KSR1: variants seen among roughly 807,000 people sequenced by gnomAD.
KSR1 encodes the protein kinase suppressor of ras.
KSR1 carries 35 observed loss-of-function variants against 92.9 expected under a neutral mutation model. That is an observed-to-expected ratio of 0.38 (90% CI 0.29 to 0.50). KSR1 has a LOEUF of 0.50. KSR1 is among the 20% of genes least tolerant of loss of function. The probability of loss-of-function intolerance (pLI) is 0.94; values close to 1 mark genes in which losing one functional copy is unlikely to be tolerated. For missense variants in KSR1, 972 were observed against 1,158.5 expected (o/e 0.84, Z 2.34); for synonymous variants, 467 against 472.6 (o/e 0.99, Z 0.15).
chr17:27,551,103 G>A (rs188589750), intron 2 of KSR1, among the ~76,000 whole-genome samples: 2 of 152,342 alleles, frequency 1.3e-5, no homozygotes, highest in Admixed American at 6.5e-5. Context: ...TATACTCGAG[G>A]AAATTAAAGC....
intron 18 of KSR1, among the ~76,000 whole-genome samples, chr17:27,614,629 T>A (rs1038940390): frequency 6.6e-6 from 1 of 152,252 alleles, no homozygotes; most frequent in Non-Finnish European, 1.5e-5. Flanking sequence ...TGGCCTGGGA[T>A]GGGAATAAGA....
At chr17:27,597,542 A>T (rs2073390481) in intron 10 of KSR1, 106 bp downstream of exon 10, 1 of 1,207,618 alleles carries the variant, frequency 8.3e-7, no homozygotes, top group African/African-American at 1.5e-5. Context: ...CACAGCTAAG[A>T]GCTGATGTTT....
At chr17:27,609,912 C>A in intron 16 of KSR1, 155 bp from the exon 17 acceptor site, 3 of 858,794 alleles carry the variant, frequency 3.5e-6, no homozygotes, top group East Asian at 5.4e-5. Context: ...AGCACCGGTG[C>A]CTTTCCCAAG....
intron 1 of KSR1, among the ~76,000 whole-genome samples, chr17:27,520,538 G>A (rs926248621): frequency 1.3e-5 from 2 of 152,212 alleles, no homozygotes; most frequent in African/African-American, 2.4e-5. Flanking sequence ...TAGATAAAAC[G>A]AAAATTAAAT....
chr17:27,592,471 T>C (rs770052184), intron 8 of KSR1, 49 bp downstream of exon 8: 2 of 1,613,336 alleles, frequency 1.2e-6, no homozygotes, highest in Non-Finnish European at 1.7e-6. Flanking sequence ...TGGGTGAATC[T>C]TTAGCTTGAC....
chr17:27,549,511 G>A (rs1336831274), intron 1 of KSR1, among the ~76,000 whole-genome samples: 1 of 152,242 alleles, frequency 6.6e-6, no homozygotes, highest in African/African-American at 2.4e-5. Context: ...AGAGCCCAGT[G>A]TTTGTCGGGT....
intron 1 of KSR1, among the ~76,000 whole-genome samples, chr17:27,474,015 A>G (rs1336626681): frequency 1.3e-5 from 2 of 152,220 alleles, no homozygotes; most frequent in Non-Finnish European, 1.5e-5. Flanking sequence ...ACAGCCAGCC[A>G]TGTGGGCTGC....
intron 1 of KSR1, among the ~76,000 whole-genome samples, chr17:27,501,289 C>CTTTT (rs1567768260): frequency 6.9e-5 from 3 of 43,554 alleles, no homozygotes; most frequent in Non-Finnish European, 1.4e-4. Flanking sequence ...AATTTCTTTT[C>CTTTT]TTCTTTTTTT....
chr17:27,527,154 A>G, intron 1 of KSR1: 1 of 273,406 alleles, frequency 3.7e-6, no homozygotes, highest in Non-Finnish European at 7.4e-6. Flanking sequence ...TTTTCTACTA[A>G]AATCAGCAGG....
At chr17:27,601,538 C>A in intron 11 of KSR1, 137 bp downstream of exon 11, 2 of 734,468 alleles carry the variant, frequency 2.7e-6, no homozygotes, top group Non-Finnish European at 4.5e-6. Context: ...GAGCTGACTG[C>A]CCATAGAGGA....
chr17:27,584,569 C>T (rs2072898563), intron 4 of KSR1, among the ~76,000 whole-genome samples: 1 of 152,160 alleles, frequency 6.6e-6, no homozygotes, highest in African/African-American at 2.4e-5. Flanking sequence ...CTGTCTTCTC[C>T]CAAGAAGAGC....
At chr17:27,526,273 C>T in intron 1 of KSR1, 1 of 685,080 alleles carries the variant, frequency 1.5e-6, no homozygotes, top group East Asian at 2.7e-5. Flanking sequence ...TTAGTGACTA[C>T]TACCACTCAA....
chr17:27,589,635 A>T (rs1187246655), intron 6 of KSR1, among the ~76,000 whole-genome samples: 1 of 151,630 alleles, frequency 6.6e-6, no homozygotes, highest in Non-Finnish European at 1.5e-5. Flanking sequence ...GATATACGTT[A>T]AAAAAAATCT....
chr17:27,550,389 C>T (rs1469172218), intron 1 of KSR1, among the ~76,000 whole-genome samples, 179 bp from the exon 2 acceptor site: 1 of 152,212 alleles, frequency 6.6e-6, no homozygotes, highest in Non-Finnish European at 1.5e-5. Context: ...CAGCCTCTGC[C>T]TGTTCTCCCA....
intron 1 of KSR1, among the ~76,000 whole-genome samples, chr17:27,544,819 CTG>C (rs1555582771): frequency 6.6e-6 from 1 of 152,252 alleles, no homozygotes; most frequent in Non-Finnish European, 1.5e-5. Flanking sequence ...GCAGGCCCCA[CTG>C]TGGTTTGTCT....
intron 1 of KSR1, among the ~76,000 whole-genome samples, chr17:27,514,064 C>T (rs1319116564): frequency 6.6e-6 from 1 of 152,260 alleles, no homozygotes; most frequent in African/African-American, 2.4e-5. Context: ...CATTGTGGCG[C>T]TAACGCCTTT....
chr17:27,609,398 G>A, intron 16 of KSR1, 69 bp downstream of exon 16: 2 of 1,586,432 alleles, frequency 1.3e-6, no homozygotes, highest in East Asian at 2.3e-5. Context: ...TGAGGTCTGG[G>A]CACTTTCACT....
At chr17:27,507,175 C>T (rs906050627) in intron 1 of KSR1, among the ~76,000 whole-genome samples, 1 of 152,166 alleles carries the variant, frequency 6.6e-6, no homozygotes, top group African/African-American at 2.4e-5. Context: ...TGGCTCATGC[C>T]TATAATTCCA....
intron 1 of KSR1, among the ~76,000 whole-genome samples, chr17:27,505,276 G>T (rs1464251081): frequency 6.6e-6 from 1 of 152,184 alleles, no homozygotes; most frequent in East Asian, 1.9e-4. Context: ...TGAACTCGTT[G>T]TGGGCTCTAC....
Sources: allele counts gnomAD v4.1 joint callset (sites outside exome capture counted in the v4.1 genomes callset), GRCh38; gene constraint gnomAD v4.1.1; transcripts MANE v1.5; gene names NCBI Gene and HGNC (gene_info 2026-07-23, HGNC 2026-07-21).